NCKAP5: variants seen among roughly 807,000 people sequenced by gnomAD.
The protein encoded by NCKAP5 is nck-associated protein 5.
A neutral mutation model predicts 167.0 loss-of-function variants in NCKAP5; 92 were observed. The ratio of observed to expected loss-of-function variants is 0.55; its 90% CI spans 0.47 to 0.66. NCKAP5 has a LOEUF of 0.66. NCKAP5 is among the 30% of genes least tolerant of loss of function. The pLI, the probability that NCKAP5 is intolerant of heterozygous loss-of-function variation, is 0.00. For synonymous variants in NCKAP5, 891 were observed against 877.4 expected (o/e 1.02, Z -0.27); for missense variants, 2,378 against 2,315.0 (o/e 1.03, Z -0.56).
At chr2:133,125,409 C>T (rs1377151634) in intron 6 of NCKAP5, among the ~76,000 whole-genome samples, 3 of 152,116 alleles carry the variant, frequency 2.0e-5, no homozygotes, top group Admixed American at 2.0e-4. Flanking sequence ...AAGACAGTTC[C>T]ATAGTCTCAT....
chr2:132,798,594 T>A (rs1684786549), intron 11 of NCKAP5, among the ~76,000 whole-genome samples: 1 of 152,210 alleles, frequency 6.6e-6, no homozygotes, highest in Non-Finnish European at 1.5e-5. Flanking sequence ...CTCAGATATA[T>A]GATGTCACAC....
At chr2:133,554,164 G>T (rs1046975157) in intron 2 of NCKAP5, among the ~76,000 whole-genome samples, 1 of 152,190 alleles carries the variant, frequency 6.6e-6, no homozygotes, top group Non-Finnish European at 1.5e-5. Flanking sequence ...TAAGGAGCTT[G>T]CCTGATGAGG....
At chr2:132,709,687 C>T (rs1445055815) in intron 19 of NCKAP5, among the ~76,000 whole-genome samples, 1 of 151,924 alleles carries the variant, frequency 6.6e-6, no homozygotes, top group Non-Finnish European at 1.5e-5. Context: ...TAGTAATAAA[C>T]TATTAATAAA....
At chr2:132,878,356 A>G (rs1446555645) in intron 9 of NCKAP5, among the ~76,000 whole-genome samples, 1 of 151,070 alleles carries the variant, frequency 6.6e-6, no homozygotes, top group Non-Finnish European at 1.5e-5. Context: ...TTCTGAATCT[A>G]CTGATTTTTT....
chr2:132,775,632 G>C (rs958291316), intron 15 of NCKAP5, among the ~76,000 whole-genome samples: 1 of 152,212 alleles, frequency 6.6e-6, no homozygotes, highest in Non-Finnish European at 1.5e-5. Flanking sequence ...GAAACACACT[G>C]TGAGTATGAG....
intron 5 of NCKAP5, among the ~76,000 whole-genome samples, chr2:133,169,880 G>C (rs190034030): frequency 6.6e-6 from 1 of 152,156 alleles, no homozygotes; most frequent in Non-Finnish European, 1.5e-5. Context: ...AAGGGGTTAC[G>C]TAAGCATAAG....
At chr2:132,939,813 A>G (rs1215241248) in intron 8 of NCKAP5, among the ~76,000 whole-genome samples, 1 of 152,114 alleles carries the variant, frequency 6.6e-6, no homozygotes, top group Non-Finnish European at 1.5e-5. Context: ...CAGCCTGGTC[A>G]ACATGGTGAA....
intron 11 of NCKAP5, among the ~76,000 whole-genome samples, chr2:132,834,085 C>A (rs909092337): frequency 6.6e-6 from 1 of 152,120 alleles, no homozygotes; most frequent in Admixed American, 6.6e-5. Flanking sequence ...TTACTGAATT[C>A]ATTTAACAAA....
the NCKAP5 span, among the ~76,000 whole-genome samples, chr2:133,615,816 A>C: frequency 6.6e-6 from 1 of 152,210 alleles, no homozygotes; most frequent in Non-Finnish European, 1.5e-5. Context: ...AGACAACTAC[A>C]GAACTCTCCA....
At chr2:133,538,693 G>A (rs1275824231) in intron 2 of NCKAP5, among the ~76,000 whole-genome samples, 1 of 152,090 alleles carries the variant, frequency 6.6e-6, no homozygotes, top group Non-Finnish European at 1.5e-5. Context: ...AATGTTGGGA[G>A]ACAAAGGCCA....
At chr2:133,446,781 A>C (rs549313433) in intron 3 of NCKAP5, among the ~76,000 whole-genome samples, 153 of 152,266 alleles carry the variant, frequency 1.0e-3, no homozygotes, top group African/African-American at 3.5e-3. Flanking sequence ...ATAATGGAGG[A>C]GATGAGACAA....
intron 6 of NCKAP5, among the ~76,000 whole-genome samples, chr2:133,025,363 A>C (rs1334513723): frequency 6.6e-6 from 1 of 152,214 alleles, no homozygotes; most frequent in Non-Finnish European, 1.5e-5. Context: ...AGAAAGAAAA[A>C]GCTTCTACTT....
At chr2:133,132,481 GCACACACACACACA>G (rs373384379) in intron 5 of NCKAP5, among the ~76,000 whole-genome samples, 4 of 129,998 alleles carry the variant, frequency 3.1e-5, no homozygotes, top group Admixed American at 1.6e-4. Context: ...GAAAAAAAAA[GCACACACACACACA>G]CACACACACA....
chr2:133,510,939 T>C (rs190867705), intron 3 of NCKAP5, among the ~76,000 whole-genome samples: 2 of 152,354 alleles, frequency 1.3e-5, no homozygotes, highest in East Asian at 3.9e-4. Context: ...AAATATTAAA[T>C]GGTAGTTTCC....
intron 4 of NCKAP5, among the ~76,000 whole-genome samples, chr2:133,292,857 G>C (rs1198202962): frequency 6.6e-6 from 1 of 152,126 alleles, no homozygotes; most frequent in Non-Finnish European, 1.5e-5. Context: ...TTGGTTAATA[G>C]TGACTCCATC....
intron 19 of NCKAP5, among the ~76,000 whole-genome samples, chr2:132,717,644 G>A (rs894760626): frequency 6.6e-6 from 1 of 152,136 alleles, no homozygotes; most frequent in Non-Finnish European, 1.5e-5. Context: ...ATCCCTCAGC[G>A]TCCCTTTTAA....
In NCKAP5 at chr2:133,145,289, A is replaced by G. The variant is rs1172283900; in HGVS notation, c.208-15178T>C. On this transcript the variant is annotated intron_variant, in intron 5 of 19. Transcript: ENST00000409261. ...ATTTAATAAATAAGTTAATTTTCCA[A>G]TGAGAACACATGGACACAGGAAGGG... 3.3e-5 allele frequency among the ~76,000 whole-genome samples: 5 copies of G among 152,120 alleles called. 1 individual carries two copies. In the East Asian group the frequency reaches 7.8e-4, roughly 24 times the overall value.
chr2:133,018,459 A>G (rs1167729081), intron 6 of NCKAP5, among the ~76,000 whole-genome samples: 2 of 152,368 alleles, frequency 1.3e-5, no homozygotes, highest in East Asian at 3.9e-4. Context: ...TGGTTCAGAC[A>G]GTCTGGGTTT....
intron 7 of NCKAP5, among the ~76,000 whole-genome samples, chr2:132,983,831 T>C (rs895469925): frequency 6.6e-6 from 1 of 152,080 alleles, no homozygotes; most frequent in African/African-American, 2.4e-5. Flanking sequence ...ATGCCTAAAG[T>C]GATTTAGGAT....
Sources: allele counts gnomAD v4.1 joint callset (sites outside exome capture counted in the v4.1 genomes callset), GRCh38; gene constraint gnomAD v4.1.1; transcripts MANE v1.5; gene names NCBI Gene and HGNC (gene_info 2026-07-23, HGNC 2026-07-21).